The following CLASP1 variants were observed in gnomAD, a reference collection of about 807,000 sequenced individuals.
The protein encoded by CLASP1 is CLIP-associating protein 1.
In CLASP1, 38 loss-of-function variants were observed where a neutral mutation model predicts 192.3. That is an observed-to-expected ratio of 0.20 (90% CI 0.15 to 0.26). The LOEUF (loss-of-function observed/expected upper bound fraction) is 0.26, where lower values mean the gene tolerates loss of function less well. Among genes scored for constraint, CLASP1 ranks in the 10% least tolerant of loss-of-function variants. The probability of loss-of-function intolerance (pLI) is 1.00; values close to 1 mark genes in which losing one functional copy is unlikely to be tolerated. For synonymous variants in CLASP1, 691 were observed against 712.8 expected (o/e 0.97, Z 0.49); for missense variants, 1,433 against 1,932.5 (o/e 0.74, Z 4.85).
intron 2 of CLASP1, among the ~76,000 whole-genome samples, chr2:121,554,050 T>TAA (rs74454324): frequency 0.04 from 5,533 of 139,350 alleles, 146 homozygotes; most frequent in East Asian, 0.14. Flanking sequence ...GCCATCTCTT[T>TAA]AAAAAAAAAA....
chr2:121,547,551 G>A (rs2057584516), intron 2 of CLASP1, among the ~76,000 whole-genome samples: 1 of 152,002 alleles, frequency 6.6e-6, no homozygotes, highest in Non-Finnish European at 1.5e-5. Context: ...CCACTACTAA[G>A]GTCCCTTCCT....
intron 14 of CLASP1, among the ~76,000 whole-genome samples, chr2:121,452,443 G>A (rs2085682779): frequency 6.6e-6 from 1 of 152,166 alleles, no homozygotes; most frequent in African/African-American, 2.4e-5. Flanking sequence ...GGTCTGATTT[G>A]TGCACAAAAA....
chr2:121,460,393 A>G (rs935038697), intron 11 of CLASP1, among the ~76,000 whole-genome samples: 4 of 152,190 alleles, frequency 2.6e-5, no homozygotes, highest in African/African-American at 9.7e-5. Flanking sequence ...GAAATATCTT[A>G]AAGTATTTAT....
chr2:121,531,027 G>C (rs760048112), intron 2 of CLASP1: 12 of 699,852 alleles, frequency 1.7e-5, no homozygotes, highest in East Asian at 2.7e-5. Flanking sequence ...TGTTTTCATA[G>C]ACTTATCAGT....
chr2:121,597,485 T>C (rs938142022), intron 2 of CLASP1, among the ~76,000 whole-genome samples: 1 of 152,182 alleles, frequency 6.6e-6, no homozygotes, highest in Non-Finnish European at 1.5e-5. Context: ...TGTGTGTGTA[T>C]GTGTAATATA....
intron 34 of CLASP1, among the ~76,000 whole-genome samples, chr2:121,377,039 T>C (rs1201985941): frequency 2.0e-5 from 3 of 152,224 alleles, no homozygotes; most frequent in Non-Finnish European, 4.4e-5. Flanking sequence ...AAACGTAATG[T>C]GCTTGAATCA....
intron 8 of CLASP1, among the ~76,000 whole-genome samples, chr2:121,493,372 G>A (rs983746038): frequency 2.0e-5 from 3 of 152,112 alleles, no homozygotes; most frequent in Admixed American, 6.5e-5. Flanking sequence ...TTTGACAACA[G>A]TGCCGAAAAG....
chr2:121,402,040 G>A (rs2076225251), intron 26 of CLASP1, among the ~76,000 whole-genome samples, 170 bp from the exon 28 acceptor site: 1 of 152,142 alleles, frequency 6.6e-6, no homozygotes, highest in African/African-American at 2.4e-5. Context: ...GCAGTACAGA[G>A]AGAAATTAAC....
intron 23 of CLASP1, among the ~76,000 whole-genome samples, chr2:121,418,186 G>T (rs761300990): frequency 2.0e-5 from 3 of 152,152 alleles, no homozygotes; most frequent in African/African-American, 7.2e-5. Flanking sequence ...AAACATTATC[G>T]CTATTGTACT....
intron 14 of CLASP1, among the ~76,000 whole-genome samples, chr2:121,454,546 G>A (rs1185072046): frequency 3.3e-5 from 5 of 152,080 alleles, no homozygotes; most frequent in African/African-American, 7.2e-5. Context: ...GATAGCAGAT[G>A]AGCTTAAAAA....
At chr2:121,470,439 T>G (rs372885125) in intron 8 of CLASP1, among the ~76,000 whole-genome samples, 2 of 151,734 alleles carry the variant, frequency 1.3e-5, no homozygotes, top group Non-Finnish European at 2.9e-5. Context: ...ACAGCTGAGA[T>G]GAGAGTATAT....
chr2:121,424,637 A>G (rs2080079987), intron 22 of CLASP1, among the ~76,000 whole-genome samples: 1 of 152,250 alleles, frequency 6.6e-6, no homozygotes, highest in Non-Finnish European at 1.5e-5. Context: ...ATTGGTTTTA[A>G]TCAATTCCTA....
At chr2:121,419,418 T>C (rs563487015) in intron 22 of CLASP1, among the ~76,000 whole-genome samples, 6 of 152,302 alleles carry the variant, frequency 3.9e-5, no homozygotes, top group African/African-American at 1.4e-4. Flanking sequence ...ATCCCTGCTT[T>C]TTCTATGAAA....
At chr2:121,363,038 C>A in intron 37 of CLASP1, 134 bp downstream of exon 38, 1 of 1,105,370 alleles carries the variant, frequency 9.0e-7, no homozygotes, top group Non-Finnish European at 1.3e-6. Context: ...GGACTCCACT[C>A]TGTATTACGA....
At chr2:121,415,797 T>C (rs1015046456) in intron 23 of CLASP1, among the ~76,000 whole-genome samples, 1 of 152,202 alleles carries the variant, frequency 6.6e-6, no homozygotes, top group Non-Finnish European at 1.5e-5. Flanking sequence ...CATTCAGTCA[T>C]AAAATATCAA....
At chr2:121,508,803 T>A (rs976812549) in intron 7 of CLASP1, among the ~76,000 whole-genome samples, 2 of 152,112 alleles carry the variant, frequency 1.3e-5, no homozygotes, top group African/African-American at 2.4e-5. Flanking sequence ...AAAAAGATAT[T>A]TCATGCAAAC....
chr2:121,468,862 C>G (rs2090147712), intron 9 of CLASP1, among the ~76,000 whole-genome samples: 1 of 152,168 alleles, frequency 6.6e-6, no homozygotes, highest in South Asian at 2.1e-4. Context: ...TTTCAGCCAT[C>G]TCAGTCTCAG....
At chr2:121,383,841 T>C (rs1401408043) in intron 32 of CLASP1, among the ~76,000 whole-genome samples, 1 of 151,734 alleles carries the variant, frequency 6.6e-6, no homozygotes, top group Non-Finnish European at 1.5e-5. Flanking sequence ...AAATACCAAG[T>C]GGTATTTGTG....
chr2:121,391,692 C>T (rs1029672891), intron 30 of CLASP1, among the ~76,000 whole-genome samples: 1 of 152,158 alleles, frequency 6.6e-6, no homozygotes, highest in Non-Finnish European at 1.5e-5. Flanking sequence ...CAACTGAGGT[C>T]AGGAGTTTGA....
Sources: gnomAD v4.1 joint callset for allele counts (sites outside exome capture counted in the v4.1 genomes callset) on GRCh38, gnomAD v4.1.1 for gene constraint, MANE v1.5 for transcripts, NCBI Gene and HGNC (gene_info 2026-07-23, HGNC 2026-07-21) for gene names.